SPATA22: variants seen among roughly 807,000 people sequenced by gnomAD.
SPATA22 encodes spermatogenesis associated 22, also known as spermatogenesis-associated protein 22.
A neutral mutation model predicts 47.8 loss-of-function variants in SPATA22; 29 were observed. The observed-to-expected ratio is 0.61, with a 90% CI of 0.45 to 0.83. The LOEUF (loss-of-function observed/expected upper bound fraction) is 0.83. Ranked by LOEUF, SPATA22 falls within the 40% of genes least tolerant of loss-of-function variation. The pLI, the probability that SPATA22 is intolerant of heterozygous loss-of-function variation, is 0.00. For synonymous variants in SPATA22, 133 were observed against 140.9 expected (o/e 0.94, Z 0.40); for missense variants, 410 against 421.7 (o/e 0.97, Z 0.24).
intron 1 of SPATA22, among the ~76,000 whole-genome samples, chr17:3,497,204 C>T (rs577131724): frequency 5.0e-4 from 76 of 152,230 alleles, no homozygotes; most frequent in African/African-American, 1.8e-3. Flanking sequence ...TGCACAATGT[C>T]GGAATCTCCA....
chr17:3,493,083 T>G (rs115519971), intron 1 of SPATA22, among the ~76,000 whole-genome samples: 1 of 152,200 alleles, frequency 6.6e-6, no homozygotes, highest in Non-Finnish European at 1.5e-5. Context: ...GGCCCTACAT[T>G]GGACCAAACG....
chr17:3,465,175 C>T (rs1354285894), intron 3 of SPATA22, among the ~76,000 whole-genome samples: 6 of 138,532 alleles, frequency 4.3e-5, no homozygotes, highest in East Asian at 2.1e-4. Flanking sequence ...GCCCCCCGCC[C>T]GGCCAGCCGC....
chr17:3,447,837 T>C (rs1555534516), intron 6 of SPATA22, among the ~76,000 whole-genome samples: 2 of 152,116 alleles, frequency 1.3e-5, no homozygotes, highest in Non-Finnish European at 2.9e-5. Flanking sequence ...TCCCACCCTA[T>C]GATGTCGTAC....
At chr17:3,471,376 G>A (rs2073430742) in intron 1 of SPATA22, 1 of 961,224 alleles carries the variant, frequency 1.0e-6, no homozygotes, top group Non-Finnish European at 1.2e-6. Context: ...AAATTTTTAA[G>A]TGTAACATTC....
intron 1 of SPATA22, among the ~76,000 whole-genome samples, chr17:3,504,204 G>A (rs1019451791): frequency 2.0e-5 from 3 of 151,964 alleles, no homozygotes; most frequent in Admixed American, 6.6e-5. Context: ...GGTCTTCGTC[G>A]ACCTGACTTT....
chr17:3,460,711 T>TA (rs896989804), intron 5 of SPATA22, among the ~76,000 whole-genome samples: 1 of 140,730 alleles, frequency 7.1e-6, no homozygotes, highest in African/African-American at 2.7e-5. Context: ...GAGGATTGTT[T>TA]AAGCCCAGGA....
chr17:3,443,384 T>G, intron 7 of SPATA22, 113 bp from the exon 8 acceptor site: 1 of 632,254 alleles, frequency 1.6e-6, no homozygotes, highest in Non-Finnish European at 2.6e-6. Context: ...CATAGTGCTA[T>G]TTATATAGCA....
chr17:3,489,421 C>A, intron 1 of SPATA22: 1 of 1,237,678 alleles, frequency 8.1e-7, no homozygotes. Flanking sequence ...GTCAGATTTG[C>A]CATGCTAAAG....
intron 1 of SPATA22, chr17:3,498,759 C>A: frequency 2.2e-6 from 2 of 920,234 alleles, no homozygotes; most frequent in Non-Finnish European, 3.1e-6. Context: ...TTGCCTGCAT[C>A]TCAATGCCTC....
intron 1 of SPATA22, among the ~76,000 whole-genome samples, chr17:3,505,518 G>T (rs1200372550): frequency 6.6e-6 from 1 of 152,148 alleles, no homozygotes; most frequent in African/African-American, 2.4e-5. Context: ...AGTGGGAATG[G>T]TGAACCACAT....
intron 1 of SPATA22, chr17:3,500,010 A>G (rs2073971053): frequency 6.6e-6 from 1 of 152,198 alleles, no homozygotes; most frequent in Non-Finnish European, 1.5e-5. Flanking sequence ...AAGCAAAACA[A>G]CCTTATTGCT....
At chr17:3,452,799 T>C (rs1039802053) in intron 5 of SPATA22, among the ~76,000 whole-genome samples, 4 of 151,862 alleles carry the variant, frequency 2.6e-5, no homozygotes, top group South Asian at 2.1e-4. Flanking sequence ...AATGGATAAA[T>C]ACCTAGAAAC....
chr17:3,490,475 A>T lies in SPATA22; in HGVS notation c.-73-21077T>A, dbSNP rs778634350. 7.9e-5 allele frequency among the ~76,000 whole-genome samples: 12 copies of T among 152,232 alleles called. No homozygotes were observed. The highest frequency in any genetic ancestry group is 1.5e-4 in the Non-Finnish European group (10 of 68,038). On this transcript the variant is annotated intron_variant, in intron 1 of 8. Transcript: ENST00000541913. The surrounding 1 kb of genome is among the most constrained non-coding windows in gnomAD (Gnocchi z 4.6). The stretch of plus-strand genomic sequence containing the variant: ...AATTGTTGTTGAGGAATGGGCAATT[A>T]TAATAACAGAGGGGGTGTGTACTTC...
At chr17:3,510,239 CGT>C (rs2074094735) in intron 1 of SPATA22, among the ~76,000 whole-genome samples, 1 of 152,130 alleles carries the variant, frequency 6.6e-6, no homozygotes, top group South Asian at 2.1e-4. Context: ...ACTTCAAGCC[CGT>C]GAGTCTCCTT....
rs767152579 is a variant in SPATA22, at chr17:3,489,320, T to C, written c.-73-19922A>G. On this transcript the variant is annotated intron_variant, in intron 1 of 8. Coordinates refer to the SPATA22 transcript ENST00000541913. ...GAAAAATGATTAAACATGCTCTTGA[T>C]TTTATACATCATTTCAATGAAGGTA... 4 of 1,610,276 alleles carry C rather than the reference T, an allele frequency of 2.5e-6. No individual in the cohort carries two copies. Among genetic ancestry groups the C allele is most frequent in the Admixed American group, 3.3e-5 (2 of 60,000 alleles).
Position 3,471,769 on chromosome 17 carries a change from G to T in SPATA22, c.-161C>A. On this transcript the variant is annotated 5_prime_UTR_variant, in exon 1 of 9. Transcript: ENST00000572969. ...GCCTCCGTCAACCGTCGTCCAGGCG[G>T]CCCCGTCAGCAACCGCCGCCCTTCC... 1 of 985,632 alleles carries T rather than the reference G, an allele frequency of 1.0e-6. No homozygotes were observed. The highest frequency in any genetic ancestry group is 4.7e-5 in the South Asian group (1 of 21,298). 61.1% of individuals were successfully genotyped at this position (985,632 alleles called of 1,614,324 possible). A position where few individuals can be genotyped will look rare whatever the true frequency, so the allele number is the denominator to read the frequency against.
At chr17:3,471,591 G>GA in intron 1 of SPATA22, 91 bp downstream of exon 1, 1 of 985,270 alleles carries the variant, frequency 1.0e-6, no homozygotes, top group Non-Finnish European at 1.2e-6. Flanking sequence ...ACCGCGGTGG[G>GA]AGAGAAGAGG....
chr17:3,447,192 G>A (rs2072746778), intron 6 of SPATA22, among the ~76,000 whole-genome samples: 1 of 152,026 alleles, frequency 6.6e-6, no homozygotes, highest in Non-Finnish European at 1.5e-5. Context: ...GAGAGATGGG[G>A]GTTATTATTT....
At chr17:3,441,978 G>A (rs1381130726) in intron 8 of SPATA22, 1 of 151,958 alleles carries the variant, frequency 6.6e-6, no homozygotes, top group South Asian at 2.1e-4. Flanking sequence ...TCAGGCTAGT[G>A]GTTACCTGTA....
Sources: gnomAD v4.1 joint callset for allele counts (sites outside exome capture counted in the v4.1 genomes callset) on GRCh38, gnomAD v4.1.1 for gene constraint, Gnocchi (gnomAD v3.1) non-coding constraint, MANE v1.5 for transcripts, NCBI Gene and HGNC (gene_info 2026-07-23, HGNC 2026-07-21) for gene names.